Variants in GPATCH11 observed in about 807,000 individuals in gnomAD.
GPATCH11 encodes the protein G patch domain-containing protein 11.
A neutral mutation model predicts 44.8 loss-of-function variants in GPATCH11; 32 were observed. The observed-to-expected ratio is 0.71, with a 90% CI of 0.54 to 0.96. The LOEUF is 0.96. Ranked by LOEUF, GPATCH11 falls within the 40% of genes least tolerant of loss-of-function variation. The pLI is 0.00. For missense variants in GPATCH11, 324 were observed against 303.1 expected, an observed-to-expected ratio of 1.07 and a Z score of -0.51; for synonymous variants, 84 against 94.4, an observed-to-expected ratio of 0.89 and a Z score of 0.64.
chr2:37,093,908 C>T (rs1028658155), intron 6 of GPATCH11, among the ~76,000 whole-genome samples, 174 bp from the exon 7 acceptor site: 3 of 152,186 alleles, frequency 2.0e-5, no homozygotes, highest in Non-Finnish European at 4.4e-5. Context: ...ACCCACCTCT[C>T]CCTCCCAAAG....
At chr2:37,086,434 T>C (rs1158032243) in intron 1 of GPATCH11, among the ~76,000 whole-genome samples, 2 of 152,198 alleles carry the variant, frequency 1.3e-5, no homozygotes, top group African/African-American at 4.8e-5. Context: ...AGGGAGGATA[T>C]AGGGGACTTG....
intron 7 of GPATCH11, 94 bp from the exon 8 acceptor site, chr2:37,095,343 T>G: frequency 1.4e-6 from 2 of 1,413,916 alleles, no homozygotes; most frequent in South Asian, 1.4e-5. Context: ...TAGCAGAATA[T>G]TTACAGCCTT....
chr2:37,092,170 G>T lies in GPATCH11; in HGVS notation c.455G>T (p.Arg152Leu), dbSNP rs375363032. ...CAATTTTTTCTTTCAATTAGAATGCGACTTAAAAATAAGCAAGATGAAATG... is the reference window on the plus strand; with the variant it reads ...CAATTTTTTCTTTCAATTAGAATGCTACTTAAAAATAAGCAAGATGAAATG... ...EEKAAEQFRM[R>L]LKNKQDEMKL... is the part of the protein sequence containing the mutation. Residue 152 changes from arginine to leucine, a missense_variant, in exon 6 of 9, where the codon CGA (arginine) becomes CTA (leucine). By Grantham distance (102) the Arg-to-Leu change is moderately radical. Transcript: ENST00000674370. The T allele has an allele frequency of 1.6e-5, 25 of 1,551,746 alleles. No individual in the cohort carries two copies. The highest frequency in any genetic ancestry group is 5.0e-5 in the South Asian group (4 of 79,546).
chr2:37,088,161 G>A (rs1673135178), intron 1 of GPATCH11, among the ~76,000 whole-genome samples: 1 of 152,120 alleles, frequency 6.6e-6, no homozygotes, highest in South Asian at 2.1e-4. Flanking sequence ...ACATCAACAT[G>A]GAAACACAGG....
chr2:37,090,408 C>T (rs942081450), intron 3 of GPATCH11, among the ~76,000 whole-genome samples: 2 of 152,138 alleles, frequency 1.3e-5, no homozygotes, highest in East Asian at 1.9e-4. Flanking sequence ...AGGCTGTCAC[C>T]GTCTTGCACC....
rs1381699895 is a variant in GPATCH11 at position 37,094,337 on chromosome 2, T to C, written c.654+142T>C. 16 of 578,744 alleles carry C rather than the reference T, an allele frequency of 2.8e-5. No homozygotes were observed. The East Asian group carries it at 3.6e-4, about 13-fold the overall frequency. The allele number at this position is 578,744 out of a possible 1,614,324, so 35.9% of individuals were successfully genotyped here. On this transcript the variant is annotated intron_variant, in intron 7 of 8. Coordinates refer to ENST00000674370, the MANE Select transcript of GPATCH11 (RefSeq NM_174931.4). ...GCATCTCTGGCCCCTGCCCACCAGA[T>C]ACCAGTTGCACTTTTGCTTATGACA...
chr2:37,088,423 T>C lies in GPATCH11; in HGVS notation c.42T>C (p.Asp14=), dbSNP rs764082877. The C allele has an allele frequency of 6.4e-7, 1 of 1,563,544 alleles. No individual in the cohort carries two copies. The highest frequency in any genetic ancestry group is 2.2e-5 in the East Asian group (1 of 44,512). Residue 14 remains aspartate (D), a synonymous_variant, in exon 2 of 9, where the codon GAT becomes GAC. Coordinates refer to ENST00000674370, the MANE Select transcript of GPATCH11 (RefSeq NM_174931.4). ...CAGAAGAAGAGGACTATATGTCTGA[T>C]TCCTTCATTAATGTCCAGTAAGTAA... is the stretch of plus-strand genomic sequence containing the variant. ...NMAEEEDYMS[D]SFINVQEDIR... is the part of the protein sequence containing the mutation.
At position 37,088,449 on chromosome 2, in the gene GPATCH11, AT is replaced by A. The variant is rs762618553; in HGVS notation, c.59+10del. ...TCCTTCATTAATGTCCAGTAAGTAA[AT>A]GTGCACACCCAGTGCAATGATATGT... On this transcript the variant is annotated intron_variant, in intron 2 of 8. Coordinates refer to ENST00000674370, the MANE Select transcript of GPATCH11 (RefSeq NM_174931.4). 1 of 1,421,452 alleles carries A rather than the reference AT, an allele frequency of 7.0e-7. No individual in the cohort carries two copies. Among genetic ancestry groups the A allele is most frequent in the Non-Finnish European group, 9.9e-7 (1 of 1,011,490 alleles). 88.1% of individuals were successfully genotyped at this position (1,421,452 alleles called of 1,614,324 possible).
intron 4 of GPATCH11, 78 bp from the exon 5 acceptor site, chr2:37,091,838 A>T: frequency 7.3e-7 from 1 of 1,362,218 alleles, no homozygotes; most frequent in Non-Finnish European, 1.0e-6. Flanking sequence ...AATTGCATTT[A>T]ATTTGTACAT....
intron 5 of GPATCH11, 42 bp from the exon 6 acceptor site, chr2:37,092,123 G>A (rs2148643360): frequency 1.9e-6 from 3 of 1,564,158 alleles, no homozygotes; most frequent in African/African-American, 1.4e-5. Flanking sequence ...AATGGTTAAA[G>A]ATAACGTAGA....
intron 2 of GPATCH11, 91 bp downstream of exon 2, chr2:37,088,531 T>A (rs557834399): frequency 7.1e-6 from 5 of 708,710 alleles, no homozygotes; most frequent in Admixed American, 2.7e-5. Flanking sequence ...ATTTTATTTT[T>A]TTGAGACAGG....
rs1673341737 is a variant in GPATCH11 at position 37,091,957 on chromosome 2, G to A, written c.370G>A (p.Ala124Thr). 6.2e-7 allele frequency: 1 copy of A among 1,612,972 alleles called. No homozygotes were observed. Among genetic ancestry groups the A allele is most frequent in the Non-Finnish European group, 8.5e-7 (1 of 1,179,254 alleles). The change falls in exon 5 of 9, where the codon GCA becomes ACA. Residue 124 changes from alanine (A) to threonine (T), a missense_variant. Transcript: ENST00000674370. The part of the protein sequence containing the change: ...IGHEASLKRK[A>T]EEKLESYRKK... ...TCATGAGGCATCATTAAAACGGAAA[G>A]CAGAGGAAAAATTGGAAAGCTACAG...
intron 8 of GPATCH11, among the ~76,000 whole-genome samples, chr2:37,095,758 A>C (rs543651458): frequency 1.3e-5 from 2 of 152,324 alleles, no homozygotes; most frequent in South Asian, 2.1e-4. Context: ...ACAATTTTAG[A>C]ATAACCTGAG....
In GPATCH11 at chr2:37,092,037, G is replaced by T. The variant is rs770171252; in HGVS notation, c.449+1G>T. On this transcript the variant is annotated splice_donor_variant, in intron 5 of 8. Coordinates refer to ENST00000674370, the MANE Select transcript of GPATCH11 (RefSeq NM_174931.4). LOFTEE classifies it high-confidence loss of function. ...AAGAAAAAGCTGCAGAACAGTTTCG[G>T]TAAAACTATTTTTGAGCTGGTTTTG... 3 of 1,612,208 alleles carry T rather than the reference G, an allele frequency of 1.9e-6. No individual in the cohort carries two copies. Among genetic ancestry groups the T allele is most frequent in the Non-Finnish European group, 2.5e-6 (3 of 1,178,844 alleles).
chr2:37,092,471 A>C (rs1057201770), intron 6 of GPATCH11, among the ~76,000 whole-genome samples: 1 of 135,228 alleles, frequency 7.4e-6, no homozygotes, highest in Non-Finnish European at 1.6e-5. Flanking sequence ...TTATGTATTT[A>C]TATATATAAT....
intron 1 of GPATCH11, 93 bp downstream of exon 1, chr2:37,084,663 C>T: frequency 9.6e-7 from 1 of 1,044,176 alleles, no homozygotes; most frequent in East Asian, 3.2e-5. Context: ...ACACCGTCAG[C>T]CACTTTTCCA....
At chr2:37,087,940 C>G (rs756547443) in intron 1 of GPATCH11, among the ~76,000 whole-genome samples, 2 of 151,946 alleles carry the variant, frequency 1.3e-5, no homozygotes, top group African/African-American at 2.4e-5. Context: ...AGCAAATAAA[C>G]AAAAAACCTC....
chr2:37,086,109 A>G (rs1673026162), intron 1 of GPATCH11, among the ~76,000 whole-genome samples: 1 of 152,230 alleles, frequency 6.6e-6, no homozygotes, highest in African/African-American at 2.4e-5. Context: ...TCATCTCCAC[A>G]AAATCCTGTT....
Position 37,088,429 on chromosome 2 carries a change from C to A in GPATCH11, c.48C>A (p.Phe16Leu). Reference sequence around the variant, plus strand: ...AAGAGGACTATATGTCTGATTCCTTCATTAATGTCCAGTAAGTAAATGTGC... The same window carrying A: ...AAGAGGACTATATGTCTGATTCCTTAATTAATGTCCAGTAAGTAAATGTGC... ...AEEEDYMSDS[F>L]INVQEDIRPG... is the part of the protein sequence containing the mutation. Residue 16 changes from phenylalanine to leucine, a missense_variant, in exon 2 of 9, where the codon TTC (phenylalanine) becomes TTA (leucine). By Grantham distance (22) the Phe-to-Leu change is conservative. Transcript: ENST00000674370. 1 of 1,549,498 alleles carries A rather than the reference C, an allele frequency of 6.5e-7. No individual in the cohort carries two copies. The highest frequency in any genetic ancestry group is 1.1e-5 in the South Asian group (1 of 87,434).
Sources: gnomAD v4.1 joint callset for allele counts (sites outside exome capture counted in the v4.1 genomes callset) on GRCh38, gnomAD v4.1.1 for gene constraint, MANE v1.5 for transcripts, NCBI Gene and HGNC (gene_info 2026-07-23, HGNC 2026-07-21) for gene names.